The following CLASP1 variants were observed in gnomAD, a reference collection of about 807,000 sequenced individuals.
CLASP1 encodes cytoplasmic linker associated protein 1.
Under a neutral mutation model 192.3 loss-of-function variants are expected in CLASP1, and 38 were observed. The ratio of observed to expected loss-of-function variants is 0.20; its 90% CI spans 0.15 to 0.26. CLASP1 has a LOEUF of 0.26. Among genes scored for constraint, CLASP1 ranks in the 10% least tolerant of loss-of-function variants. The probability of loss-of-function intolerance (pLI) is 1.00; values close to 1 mark genes in which losing one functional copy is unlikely to be tolerated. For synonymous variants in CLASP1, 691 were observed against 712.8 expected (o/e 0.97, Z 0.49); for missense variants, 1,433 against 1,932.5 (o/e 0.74, Z 4.85).
chr2:121,519,199 T>C (rs1011618637), intron 6 of CLASP1, among the ~76,000 whole-genome samples: 5 of 152,220 alleles, frequency 3.3e-5, no homozygotes, highest in African/African-American at 7.2e-5. Flanking sequence ...TTGGTCTCAA[T>C]TTCCTCCTCT....
chr2:121,525,961 GGAAA>G (rs756180100), intron 5 of CLASP1, 41 bp from the exon 6 acceptor site: 56 of 1,474,196 alleles, frequency 3.8e-5, no homozygotes, highest in Non-Finnish European at 5.0e-5. Context: ...TGAGAACTGA[GGAAA>G]GAAAGAAAGA....
At chr2:121,520,175 G>A (rs888031349) in intron 6 of CLASP1, among the ~76,000 whole-genome samples, 4 of 152,196 alleles carry the variant, frequency 2.6e-5, no homozygotes, top group East Asian at 1.9e-4. Context: ...GATCAGGAAT[G>A]GCAGGCTGGA....
chr2:121,384,056 A>G (rs1177659137), intron 32 of CLASP1, among the ~76,000 whole-genome samples: 2 of 136,954 alleles, frequency 1.5e-5, no homozygotes, highest in East Asian at 3.9e-4. Flanking sequence ...ATACACACAT[A>G]TATGTATATA....
intron 1 of CLASP1, among the ~76,000 whole-genome samples, chr2:121,647,416 A>G (rs980566906): frequency 2.0e-5 from 3 of 152,156 alleles, no homozygotes; most frequent in Non-Finnish European, 2.9e-5. Flanking sequence ...TAAACAAAAT[A>G]TAACACACTT....
intron 6 of CLASP1, 85 bp from the exon 7 acceptor site, chr2:121,515,847 C>A: frequency 1.0e-6 from 1 of 987,656 alleles, no homozygotes; most frequent in East Asian, 2.5e-5. Context: ...ATATACCACC[C>A]CAATTTATCA....
chr2:121,407,718 G>T lies in CLASP1; in HGVS notation c.2425-3C>A. ...TATCTCCTCCTCACAGGCTTCTTCT[G>T]ACAGGTCCAATGAGGGATGGGAGTG... On this transcript the variant is annotated splice_polypyrimidine_tract_variant and splice_region_variant and intron_variant, in intron 24 of 39. Transcript: ENST00000263710. The T allele has an allele frequency of 6.2e-7, 1 of 1,613,840 alleles. No individual in the cohort carries two copies. Among genetic ancestry groups the T allele is most frequent in the South Asian group, 1.1e-5 (1 of 91,060 alleles).
intron 2 of CLASP1, among the ~76,000 whole-genome samples, chr2:121,591,011 G>A (rs9646909): frequency 0.7 from 105,775 of 151,590 alleles, 41,151 homozygotes; most frequent in Non-Finnish European, 0.86. Context: ...GGGACTACAG[G>A]CGTGCACCAC....
intron 14 of CLASP1, among the ~76,000 whole-genome samples, chr2:121,456,531 GAA>G (rs1164763805): frequency 2.3e-5 from 3 of 129,704 alleles, no homozygotes; most frequent in Non-Finnish European, 3.3e-5. Flanking sequence ...AAAAAGGAAA[GAA>G]AAGGAAAAAA....
rs1258018045 is a variant in CLASP1, at chr2:121,547,787, T to C, written c.196-17462A>G. On this transcript the variant is annotated intron_variant, in intron 2 of 39. Coordinates refer to ENST00000263710, the Ensembl canonical transcript of CLASP1. The stretch of plus-strand genomic sequence containing the variant: ...ATGACCAGTATGCCTACGTGCCACA[T>C]ACCAGATCACAACCCAAAGCTTCAA... Among the ~76,000 whole-genome samples, 4 of 152,018 alleles carry C rather than the reference T, an allele frequency of 2.6e-5. 1 individual carries two copies. The highest frequency in any genetic ancestry group is 4.2e-4 in the South Asian group (2 of 4,814).
intron 6 of CLASP1, among the ~76,000 whole-genome samples, chr2:121,519,883 T>C (rs192428716): frequency 1.3e-5 from 2 of 152,130 alleles, no homozygotes; most frequent in Non-Finnish European, 2.9e-5. Context: ...TGCAGGACAA[T>C]GCAGCTATTC....
At chr2:121,567,264 T>C (rs2059588716) in intron 2 of CLASP1, among the ~76,000 whole-genome samples, 1 of 152,202 alleles carries the variant, frequency 6.6e-6, no homozygotes, top group Non-Finnish European at 1.5e-5. Flanking sequence ...TGTCCTGTCC[T>C]GATGCTCAGC....
rs1255081009 is a variant in CLASP1 at position 121,370,427 on chromosome 2, G to A, written c.3643-2596C>T. Among the ~76,000 whole-genome samples, 3 of 152,164 alleles carry A rather than the reference G, an allele frequency of 2.0e-5. No individual in the cohort carries two copies. In the East Asian group the frequency reaches 5.8e-4, roughly 29 times the overall value. ...TGCAACCTCCGCCTTCTAGGTTCAA[G>A]CGATTCTCCTGCCTCAGCCTCCCAA... is the stretch of plus-strand genomic sequence containing the variant. On this transcript the variant is annotated intron_variant, in intron 34 of 39. Transcript: ENST00000263710.
chr2:121,482,756 G>A (rs1415473774), intron 8 of CLASP1, among the ~76,000 whole-genome samples: 1 of 152,128 alleles, frequency 6.6e-6, no homozygotes, highest in Admixed American at 6.5e-5. Flanking sequence ...ACATCCACAG[G>A]AACTCAATTC....
intron 35 of CLASP1, among the ~76,000 whole-genome samples, chr2:121,366,914 C>A (rs2067518715): frequency 6.6e-6 from 1 of 152,204 alleles, no homozygotes; most frequent in African/African-American, 2.4e-5. Flanking sequence ...AACACAGGAG[C>A]CAGAAAGAAA....
At chr2:121,462,660 T>A in intron 9 of CLASP1, 55 bp from the exon 10 acceptor site, 1 of 1,000,902 alleles carries the variant, frequency 1.0e-6, no homozygotes, top group Non-Finnish European at 1.5e-6. Context: ...CTATAACACA[T>A]ACACTGAAGA....
intron 8 of CLASP1, among the ~76,000 whole-genome samples, chr2:121,484,850 T>A (rs2092860094): frequency 6.6e-6 from 1 of 152,222 alleles, no homozygotes; most frequent in Non-Finnish European, 1.5e-5. Flanking sequence ...ACTATCTCCC[T>A]CTTTTGTTTA....
In CLASP1 at chr2:121,367,962, C is replaced by A. The variant is rs552805068; in HGVS notation, c.3643-131G>T. The A allele has an allele frequency of 9.4e-6, 11 of 1,173,672 alleles. No homozygotes were observed. In the African/African-American group the frequency reaches 1.4e-4, roughly 15 times the overall value. 72.7% of individuals were successfully genotyped at this position (1,173,672 alleles called of 1,614,324 possible). On this transcript the variant is annotated intron_variant, in intron 34 of 39. Coordinates refer to ENST00000263710, the Ensembl canonical transcript of CLASP1. ...ATGGCCAGTGACAAAAGGACAGCTA[C>A]TAGTACTGCAATGTAAAAATACCAA...
intron 2 of CLASP1, among the ~76,000 whole-genome samples, chr2:121,571,374 G>A (rs2059958310): frequency 6.6e-6 from 1 of 151,938 alleles, no homozygotes; most frequent in African/African-American, 2.4e-5. Context: ...GTTTTGCTTT[G>A]GTAGAGATGG....
At chr2:121,490,468 G>C (rs1446579423) in intron 8 of CLASP1, 3 of 230,284 alleles carry the variant, frequency 1.3e-5, no homozygotes, top group Non-Finnish European at 2.7e-5. Context: ...TTTGTAAAAA[G>C]GGTTGGGGGT....
Sources: gnomAD v4.1 joint callset for allele counts (sites outside exome capture counted in the v4.1 genomes callset) on GRCh38, gnomAD v4.1.1 for gene constraint, MANE v1.5 for transcripts, NCBI Gene and HGNC (gene_info 2026-07-23, HGNC 2026-07-21) for gene names.